The following LAMA4 variants were observed in gnomAD, a reference collection of about 807,000 sequenced individuals.
LAMA4 encodes laminin subunit alpha-4.
In LAMA4, 127 loss-of-function variants were observed where a neutral mutation model predicts 207.1. The observed-to-expected ratio is 0.61, with a 90% CI of 0.53 to 0.71. The LOEUF is 0.71. Ranked by LOEUF, LAMA4 falls within the 30% of genes least tolerant of loss-of-function variation. LAMA4 has a pLI of 0.00. For missense variants in LAMA4, 2,093 were observed against 2,246.5 expected (o/e 0.93, Z 1.38); for synonymous variants, 761 against 816.0 (o/e 0.93, Z 1.15).
At chr6:112,198,776 G>A (rs1012070671) in intron 5 of LAMA4, among the ~76,000 whole-genome samples, 1 of 152,126 alleles carries the variant, frequency 6.6e-6, no homozygotes, top group African/African-American at 2.4e-5. Context: ...AGTGGCAGAA[G>A]TTGGACAATG....
In LAMA4 at chr6:112,140,724, A is replaced by T. The variant is rs113448441; in HGVS notation, c.2976+36T>A. On this transcript the variant is annotated intron_variant, in intron 22 of 38. Coordinates refer to ENST00000230538, the MANE Select transcript of LAMA4 (RefSeq NM_001105206.3). The stretch of plus-strand genomic sequence containing the variant: ...GGATTTATAAAAACAATTACTGTAG[A>T]TTTGTAATAGGTCAAAATATAGCTG... 3 of 1,600,204 alleles carry T rather than the reference A, an allele frequency of 1.9e-6. No homozygotes were observed. The Admixed American group carries it at 5.0e-5, about 27-fold the overall frequency.
rs1234690466 is a variant in LAMA4, at chr6:112,118,612, T to C, written c.4821+544A>G. Among the ~76,000 whole-genome samples, 1 of 152,184 alleles carries C rather than the reference T, an allele frequency of 6.6e-6. No individual in the cohort carries two copies. The highest frequency in any genetic ancestry group is 1.5e-5 in the Non-Finnish European group (1 of 68,036). ...ATTGCTAAATTTTTTATAAGTGCAA[T>C]ATTTTTAATTTTTAAATTACACAAA... On this transcript the variant is annotated intron_variant, in intron 34 of 38. Coordinates refer to ENST00000230538, the MANE Select transcript of LAMA4 (RefSeq NM_001105206.3). This position sits in a 1 kb window ranked among gnomAD's most constrained non-coding sequence, Gnocchi z 4.6.
chr6:112,132,654 T>C, intron 28 of LAMA4, 99 bp downstream of exon 28: 1 of 1,159,342 alleles, frequency 8.6e-7, no homozygotes, highest in Non-Finnish European at 1.3e-6. Context: ...TCAAAATTAA[T>C]CTGAATAGAA....
At chr6:112,170,346 C>T (rs1781641099) in intron 12 of LAMA4, among the ~76,000 whole-genome samples, 1 of 152,220 alleles carries the variant, frequency 6.6e-6, no homozygotes, top group Non-Finnish European at 1.5e-5. Context: ...AGGTCCACTT[C>T]TCATTTCAGG....
chr6:112,119,052 A>T (rs1310756268), intron 34 of LAMA4, 104 bp downstream of exon 34: 4 of 1,155,528 alleles, frequency 3.5e-6, no homozygotes, highest in East Asian at 4.8e-5. Flanking sequence ...CTACAGTTTT[A>T]CTGGTGCTAG....
At chr6:112,131,604 A>T (rs1779037190) in intron 28 of LAMA4, among the ~76,000 whole-genome samples, 4 of 152,098 alleles carry the variant, frequency 2.6e-5, no homozygotes, top group Admixed American at 2.6e-4. Flanking sequence ...GGCAAGGGTT[A>T]ATCTTGCTTC....
chr6:112,155,436 C>A, intron 15 of LAMA4, 129 bp downstream of exon 15: 2 of 1,017,854 alleles, frequency 2.0e-6, no homozygotes, highest in East Asian at 2.5e-5. Context: ...ATGGTCTTCC[C>A]TTAGTTCCCC....
At chr6:112,217,458 A>G (rs1474652289) in intron 2 of LAMA4, among the ~76,000 whole-genome samples, 2 of 152,144 alleles carry the variant, frequency 1.3e-5, no homozygotes, top group African/African-American at 4.8e-5. Flanking sequence ...AAGATTTCAC[A>G]TCATACACCC....
intron 2 of LAMA4, chr6:112,234,236 G>A (rs1331417452): frequency 6.6e-6 from 1 of 151,954 alleles, no homozygotes; most frequent in African/African-American, 2.4e-5. Context: ...AGGAACACTT[G>A]GTTTTGTGAT....
At chr6:112,214,433 G>A (rs1206116565) in intron 3 of LAMA4, among the ~76,000 whole-genome samples, 2 of 151,948 alleles carry the variant, frequency 1.3e-5, no homozygotes, top group East Asian at 3.9e-4. Flanking sequence ...ATATCTATAT[G>A]TGTCGCTCTG....
In LAMA4 at chr6:112,109,534, C is replaced by T. The variant is rs1554320960; in HGVS notation, c.5375G>A (p.Cys1792Tyr). ...RLAPSKPFTG[C>Y]IRHFVIDGHP... ...TCCATCAATCACAAAGTGGCGTATG[C>T]AGCCTGTGAAGGGTTTGCTGGGGGC... is the stretch of plus-strand genomic sequence containing the variant. The change falls in exon 39 of 39, where the codon TGC becomes TAC. Residue 1792 changes from cysteine to tyrosine, a missense_variant. Physicochemically the swap from Cys to Tyr is radical, Grantham distance 194. Transcript: ENST00000230538. 3.1e-6 allele frequency: 5 copies of T among 1,613,968 alleles called. No individual in the cohort carries two copies. In the African/African-American group the frequency reaches 6.7e-5, roughly 22 times the overall value.
At chr6:112,238,008 C>A (rs1034178924) in intron 2 of LAMA4, among the ~76,000 whole-genome samples, 1 of 152,206 alleles carries the variant, frequency 6.6e-6, no homozygotes. Flanking sequence ...TTCAGCCCAA[C>A]AAACTGAGAC....
chr6:112,162,954 G>T (rs1554338798), intron 13 of LAMA4, among the ~76,000 whole-genome samples: 1 of 148,148 alleles, frequency 6.8e-6, no homozygotes, highest in East Asian at 2.0e-4. Context: ...AGTGTCAAGT[G>T]CAGCTCAAAT....
At chr6:112,252,122 A>G (rs1283653056) in intron 2 of LAMA4, among the ~76,000 whole-genome samples, 2 of 152,252 alleles carry the variant, frequency 1.3e-5, no homozygotes, top group Non-Finnish European at 2.9e-5. Flanking sequence ...TATGTCAAGC[A>G]CTATGCTAAG....
Position 112,117,623 on chromosome 6 carries a change from T to A in LAMA4, c.4981+116A>T, listed in dbSNP as rs1020847231. ...AGGTGGTTCTTGTGGGAAGAGGTCA[T>A]CTTCTAGGGCTGAGTTTGGCATTCT... On this transcript the variant is annotated intron_variant, in intron 35 of 38. Coordinates refer to ENST00000230538, the MANE Select transcript of LAMA4 (RefSeq NM_001105206.3). The surrounding 1 kb of genome is among the most constrained non-coding windows in gnomAD (Gnocchi z 4.5). 29 of 1,013,870 alleles carry A rather than the reference T, an allele frequency of 2.9e-5. No individual in the cohort carries two copies. The highest frequency in any genetic ancestry group is 1.4e-5 in the Non-Finnish European group (9 of 648,020). The allele number at this position is 1,013,870 out of a possible 1,614,324, so 62.8% of individuals were successfully genotyped here.
At chr6:112,151,613 A>G (rs1386496069) in intron 16 of LAMA4, among the ~76,000 whole-genome samples, 1 of 152,042 alleles carries the variant, frequency 6.6e-6, no homozygotes, top group African/African-American at 2.4e-5. Context: ...ATTTATTCCT[A>G]TGTATTTGAT....
chr6:112,200,871 G>A (rs961460689), intron 5 of LAMA4, among the ~76,000 whole-genome samples: 12 of 151,906 alleles, frequency 7.9e-5, no homozygotes, highest in Admixed American at 2.6e-4. Flanking sequence ...ATCACATACC[G>A]GGGCCTGTCA....
Position 112,108,340 on chromosome 6 carries a change from C to T in LAMA4, c.*1097G>A, listed in dbSNP as rs1252880060. On this transcript the variant is annotated 3_prime_UTR_variant, in exon 39 of 39. Transcript: ENST00000230538. ...CTATTCAAGTCCATTTTTTTCTAGA[C>T]TATATTAATGTAGCTACTTGGAAAA... 2.6e-5 allele frequency among the ~76,000 whole-genome samples: 4 copies of T among 152,058 alleles called. No homozygotes were observed. Among genetic ancestry groups the T allele is most frequent in the Admixed American group, 1.3e-4 (2 of 15,278 alleles).
intron 2 of LAMA4, among the ~76,000 whole-genome samples, chr6:112,231,575 G>C (rs985915493): frequency 7.9e-5 from 12 of 152,182 alleles, no homozygotes; most frequent in African/African-American, 2.9e-4. Context: ...CCAGTCGTAT[G>C]ACATCCAGCT....
Sources: gnomAD v4.1 joint callset for allele counts (sites outside exome capture counted in the v4.1 genomes callset) on GRCh38, gnomAD v4.1.1 for gene constraint, Gnocchi (gnomAD v3.1) non-coding constraint, MANE v1.5 for transcripts, NCBI Gene and HGNC (gene_info 2026-07-23, HGNC 2026-07-21) for gene names.